TTLL5: variants seen among roughly 807,000 people sequenced by gnomAD.
The protein encoded by TTLL5 is tubulin tyrosine ligase like 5.
A neutral mutation model predicts 168.4 loss-of-function variants in TTLL5; 132 were observed. The ratio of observed to expected loss-of-function variants is 0.78; its 90% CI spans 0.68 to 0.91. TTLL5 has a LOEUF of 0.91. Ranked by LOEUF, TTLL5 falls within the 40% of genes least tolerant of loss-of-function variation. TTLL5 has a pLI of 0.00. For missense variants in TTLL5, 1,545 were observed against 1,581.5 expected (o/e 0.98, Z 0.39); for synonymous variants, 546 against 558.6 (o/e 0.98, Z 0.32).
At chr14:75,792,850 CATT>C (rs1892802801) in intron 26 of TTLL5, 63 bp from the exon 27 acceptor site, 1 of 1,422,232 alleles carries the variant, frequency 7.0e-7, no homozygotes. Flanking sequence ...AGATTTCTGT[CATT>C]ATCCTAATTT....
chr14:75,864,437 T>G (rs2030336340), intron 29 of TTLL5, among the ~76,000 whole-genome samples: 1 of 152,174 alleles, frequency 6.6e-6, no homozygotes. Context: ...TTTTAAACAG[T>G]GGGGCTATAA....
At chr14:75,843,877 G>GTTTTGTTTTGTTTTGTTTTGTTTTA (rs1208784264) in intron 28 of TTLL5, among the ~76,000 whole-genome samples, 5 of 130,626 alleles carry the variant, frequency 3.8e-5, no homozygotes, top group African/African-American at 1.5e-4. Context: ...GTTTTGTTTT[G>GTTTTGTTTTGTTTTGTTTTGTTTTA]TTTTATTTTA....
chr14:75,733,877 G>T, intron 13 of TTLL5, 112 bp from the exon 14 acceptor site: 76 of 889,684 alleles, frequency 8.5e-5, no homozygotes, highest in Non-Finnish European at 1.2e-4. Context: ...GGCTTTATGT[G>T]TTGCTCTTCA....
intron 31 of TTLL5, among the ~76,000 whole-genome samples, chr14:75,940,056 C>T (rs1369974829): frequency 6.7e-6 from 1 of 150,256 alleles, no homozygotes; most frequent in African/African-American, 2.5e-5. Flanking sequence ...ATTACCAGAG[C>T]TCCCTATAAA....
At chr14:75,916,750 A>G (rs2033629650) in intron 31 of TTLL5, among the ~76,000 whole-genome samples, 1 of 152,252 alleles carries the variant, frequency 6.6e-6, no homozygotes, top group East Asian at 1.9e-4. Flanking sequence ...TCCTAACAGC[A>G]TTATTCACAG....
chr14:75,809,914 G>A (rs144728730), intron 27 of TTLL5, among the ~76,000 whole-genome samples: 4 of 152,042 alleles, frequency 2.6e-5, no homozygotes, highest in East Asian at 3.9e-4. Context: ...TTTTGTGGCC[G>A]AACTATATTC....
chr14:75,753,069 A>G, intron 18 of TTLL5, 114 bp downstream of exon 18: 1 of 1,003,100 alleles, frequency 1.0e-6, no homozygotes, highest in Non-Finnish European at 1.5e-6. Flanking sequence ...TCTGCTAGAA[A>G]AAAAAGTCCT....
chr14:75,742,004 AC>A (rs1566584084), intron 15 of TTLL5, among the ~76,000 whole-genome samples: 1 of 152,178 alleles, frequency 6.6e-6, no homozygotes, highest in African/African-American at 2.4e-5. Flanking sequence ...ACCATTAAAA[AC>A]AATACCCAGG....
At chr14:75,935,106 C>T (rs1424192577) in intron 31 of TTLL5, among the ~76,000 whole-genome samples, 1 of 152,234 alleles carries the variant, frequency 6.6e-6, no homozygotes, top group Non-Finnish European at 1.5e-5. Context: ...GAGCTGACAT[C>T]TGATTCCTCA....
At chr14:75,781,692 C>T (rs946266348) in intron 24 of TTLL5, among the ~76,000 whole-genome samples, 6 of 152,150 alleles carry the variant, frequency 3.9e-5, no homozygotes, top group South Asian at 2.1e-4. Flanking sequence ...TGGTGGCTCA[C>T]GCCTGTAATC....
intron 30 of TTLL5, among the ~76,000 whole-genome samples, chr14:75,889,596 C>T (rs1404767802): frequency 1.3e-5 from 2 of 152,052 alleles, no homozygotes; most frequent in Non-Finnish European, 2.9e-5. Context: ...AAGGCCGAGG[C>T]AGGTGGGGAT....
chr14:75,902,528 G>A (rs1486861850), intron 31 of TTLL5: 3 of 547,292 alleles, frequency 5.5e-6, no homozygotes, highest in Non-Finnish European at 1.0e-5. Flanking sequence ...TGTCTATGTT[G>A]TATTTCCGCA....
rs935297166 is a variant in TTLL5, at chr14:75,940,046, A to T, written c.3824-14378A>T. ...GCATTGTTTTACTCTACCACTCTTCATTACCAGAGCTCCCTATAAAGAAAT... is the reference window on the plus strand; with the variant it reads ...GCATTGTTTTACTCTACCACTCTTCTTTACCAGAGCTCCCTATAAAGAAAT... On this transcript the variant is annotated intron_variant, in intron 31 of 31. Transcript: ENST00000298832. Among the ~76,000 whole-genome samples the T allele has an allele frequency of 2.7e-4, 39 of 145,846 alleles. 1 individual carries two copies. The highest frequency in any genetic ancestry group is 9.7e-4 in the African/African-American group (38 of 39,336).
intron 28 of TTLL5, among the ~76,000 whole-genome samples, chr14:75,852,511 A>G (rs1376902142): frequency 6.6e-6 from 1 of 152,072 alleles, no homozygotes; most frequent in Non-Finnish European, 1.5e-5. Context: ...GTTTTTCCAG[A>G]TTATTTCTGA....
At chr14:75,891,373 G>A (rs1444377236) in intron 30 of TTLL5, among the ~76,000 whole-genome samples, 2 of 151,848 alleles carry the variant, frequency 1.3e-5, no homozygotes, top group African/African-American at 4.8e-5. Flanking sequence ...TTTTTCATAT[G>A]TTCTGCTTTC....
At chr14:75,801,944 C>T (rs1417467476) in intron 27 of TTLL5, among the ~76,000 whole-genome samples, 1 of 152,086 alleles carries the variant, frequency 6.6e-6, no homozygotes, top group East Asian at 1.9e-4. Context: ...GAGTTAGGGC[C>T]TGAAAACTTA....
At chr14:75,851,717 GCTCACACAT>G (rs1896865957) in intron 28 of TTLL5, among the ~76,000 whole-genome samples, 2 of 152,178 alleles carry the variant, frequency 1.3e-5, no homozygotes, top group South Asian at 4.1e-4. Flanking sequence ...TTACTCTCCT[GCTCACACAT>G]CTGAGTGATT....
At chr14:75,952,100 G>A (rs189263832) in intron 31 of TTLL5, among the ~76,000 whole-genome samples, 77 of 152,204 alleles carry the variant, frequency 5.1e-4, no homozygotes, top group African/African-American at 1.6e-3. Flanking sequence ...TAAAAAAGAC[G>A]ACTCAGGTTT....
At chr14:75,742,171 A>G (rs1412863733) in intron 15 of TTLL5, among the ~76,000 whole-genome samples, 1 of 152,176 alleles carries the variant, frequency 6.6e-6, no homozygotes, top group Non-Finnish European at 1.5e-5. Context: ...TCAACCTTCT[A>G]AGTAACATTC....
Sources: gnomAD v4.1 joint callset for allele counts (sites outside exome capture counted in the v4.1 genomes callset) on GRCh38, gnomAD v4.1.1 for gene constraint, MANE v1.5 for transcripts, NCBI Gene and HGNC (gene_info 2026-07-23, HGNC 2026-07-21) for gene names.